The following PARD3 variants were observed in gnomAD, a reference collection of about 807,000 sequenced individuals.
PARD3 encodes the protein par-3 family cell polarity regulator, also known as partitioning defective 3 homolog.
Under a neutral mutation model 155.4 loss-of-function variants are expected in PARD3, and 75 were observed. The ratio of observed to expected loss-of-function variants is 0.48; its 90% CI spans 0.40 to 0.58. The LOEUF (loss-of-function observed/expected upper bound fraction) is 0.58. Among genes scored for constraint, PARD3 ranks in the 20% least tolerant of loss-of-function variants. PARD3 has a pLI of 0.00. For synonymous variants in PARD3, 576 were observed against 610.5 expected (o/e 0.94, Z 0.83); for missense variants, 1,642 against 1,721.7 (o/e 0.95, Z 0.82).
intron 2 of PARD3, among the ~76,000 whole-genome samples, chr10:34,523,241 G>C (rs1375974780): frequency 1.3e-5 from 2 of 152,094 alleles, no homozygotes; most frequent in Non-Finnish European, 2.9e-5. Flanking sequence ...AAATCTCAAA[G>C]ACCTCTAGGT....
rs1165591344 is a variant in PARD3, at chr10:34,605,948, CTA to C, written c.223-88791_223-88790del. On this transcript the variant is annotated intron_variant, in intron 2 of 24. Coordinates refer to ENST00000374788, the MANE Select transcript of PARD3 (RefSeq NM_001184785.2). ...TATATCTCCTATATATATATATCTCCTATATATATATATCTCCTATATCTATA... is the reference window on the plus strand; with the variant it reads ...TATATCTCCTATATATATATATCTCCTATATATATATCTCCTATATCTATA... 3.1e-3 allele frequency among the ~76,000 whole-genome samples: 259 copies of C among 83,866 alleles called. 27 individuals carry two copies. Among genetic ancestry groups the C allele is most frequent in the African/African-American group, 0.01 (169 of 16,444 alleles). The allele number at this position is 83,866 out of a possible 152,430, so 55.0% of individuals were successfully genotyped here.
chr10:34,745,751 T>TCACG (rs1465991596), intron 1 of PARD3, among the ~76,000 whole-genome samples: 2 of 151,918 alleles, frequency 1.3e-5, no homozygotes, highest in Non-Finnish European at 2.9e-5. Flanking sequence ...TGAGCCATGA[T>TCACG]CACGCCACTA....
At chr10:34,790,371 A>T (rs79660830) in intron 1 of PARD3, among the ~76,000 whole-genome samples, 2,230 of 152,304 alleles carry the variant, frequency 0.015, 67 homozygotes, top group African/African-American at 0.05. Flanking sequence ...AATATGCTAA[A>T]ATTATTTCAC....
chr10:34,690,482 T>C (rs1387099774), intron 2 of PARD3, among the ~76,000 whole-genome samples: 1 of 152,148 alleles, frequency 6.6e-6, no homozygotes, highest in East Asian at 1.9e-4. Context: ...GAAACAGTAA[T>C]TGGTACTGCA....
At chr10:34,591,532 T>C (rs887982032) in intron 2 of PARD3, among the ~76,000 whole-genome samples, 8 of 152,140 alleles carry the variant, frequency 5.3e-5, no homozygotes, top group Admixed American at 1.3e-4. Context: ...TAATATCATA[T>C]AGTAAAGTAA....
chr10:34,206,286 C>T (rs1951477984), intron 22 of PARD3, among the ~76,000 whole-genome samples: 1 of 152,182 alleles, frequency 6.6e-6, no homozygotes, highest in Non-Finnish European at 1.5e-5. Context: ...ACATCTTCAG[C>T]ATATTGGGGT....
chr10:34,659,755 T>C (rs1789702270), intron 2 of PARD3, among the ~76,000 whole-genome samples: 1 of 152,208 alleles, frequency 6.6e-6, no homozygotes, highest in Non-Finnish European at 1.5e-5. Context: ...TCATACCACC[T>C]GACTCAGTAA....
chr10:34,312,397 C>T (rs753264790), intron 20 of PARD3: 3 of 1,612,070 alleles, frequency 1.9e-6, no homozygotes, highest in African/African-American at 1.3e-5. Context: ...ATGAGAGACA[C>T]GGTACAGACA....
At chr10:34,313,725 T>C (rs10763978) in intron 20 of PARD3, among the ~76,000 whole-genome samples, 90,020 of 151,950 alleles carry the variant, frequency 0.59, 28,674 homozygotes, top group African/African-American at 0.84. Flanking sequence ...AGACAACCTG[T>C]TGGGGTAGGA....
intron 22 of PARD3, among the ~76,000 whole-genome samples, chr10:34,184,561 A>G (rs375003955): frequency 1.7e-3 from 255 of 152,306 alleles, no homozygotes; most frequent in African/African-American, 5.8e-3. Flanking sequence ...AATGGGGCAG[A>G]CTGCCCAGAG....
At chr10:34,804,035 G>GTTTTTTTTTTT (rs373473801) in intron 1 of PARD3, among the ~76,000 whole-genome samples, 1 of 136,896 alleles carries the variant, frequency 7.3e-6, no homozygotes. Flanking sequence ...ATTTGTTTTT[G>GTTTTTTTTTTT]TTTTTTTTTT....
At chr10:34,539,095 T>A (rs897241625) in intron 2 of PARD3, among the ~76,000 whole-genome samples, 3 of 152,226 alleles carry the variant, frequency 2.0e-5, no homozygotes, top group Non-Finnish European at 4.4e-5. Flanking sequence ...AAATTTTGAC[T>A]ACAGGGTCCT....
At chr10:34,491,564 AT>A (rs1013808561) in intron 3 of PARD3, among the ~76,000 whole-genome samples, 1 of 152,178 alleles carries the variant, frequency 6.6e-6, no homozygotes, top group African/African-American at 2.4e-5. Context: ...TTACAGAAGC[AT>A]TTTTTTATTA....
intron 1 of PARD3, among the ~76,000 whole-genome samples, chr10:34,728,311 T>C (rs528209859): frequency 4.5e-4 from 69 of 152,326 alleles, no homozygotes; most frequent in Middle Eastern, 3.4e-3. Context: ...GTACATTAAA[T>C]AGCAAATAAA....
intron 2 of PARD3, among the ~76,000 whole-genome samples, chr10:34,585,686 C>T (rs2087960936): frequency 6.6e-6 from 1 of 152,036 alleles, no homozygotes; most frequent in Admixed American, 6.6e-5. Flanking sequence ...ACTCTGTCTG[C>T]ACTGCTTATA....
intron 22 of PARD3, among the ~76,000 whole-genome samples, chr10:34,242,577 A>C (rs1177731805): frequency 5.3e-5 from 8 of 152,236 alleles, no homozygotes; most frequent in African/African-American, 1.9e-4. Flanking sequence ...TTCAACATAA[A>C]GTTTAATGAA....
rs149572154 is a variant in PARD3, at chr10:34,490,372, T to C, written c.404-20109A>G. ...TGAGAAGAAATGGGGAGTGGTACATTGAAGGAAGGGCACATTACAGAGAGA... is the reference window on the plus strand; with the variant it reads ...TGAGAAGAAATGGGGAGTGGTACATCGAAGGAAGGGCACATTACAGAGAGA... On this transcript the variant is annotated intron_variant, in intron 3 of 24. Coordinates refer to ENST00000374788, the MANE Select transcript of PARD3 (RefSeq NM_001184785.2). 2.8e-3 allele frequency among the ~76,000 whole-genome samples: 429 copies of C among 152,108 alleles called. 1 individual carries two copies. The highest frequency in any genetic ancestry group is 4.1e-3 in the Non-Finnish European group (279 of 67,992).
intron 2 of PARD3, among the ~76,000 whole-genome samples, chr10:34,645,870 G>A (rs1376851476): frequency 1.3e-5 from 2 of 152,100 alleles, no homozygotes; most frequent in African/African-American, 2.4e-5. Flanking sequence ...ATTCTTCCCC[G>A]TTTTATTTTT....
chr10:34,484,530 T>TTTG (rs373521620), intron 3 of PARD3, among the ~76,000 whole-genome samples: 8 of 152,080 alleles, frequency 5.3e-5, no homozygotes, highest in Non-Finnish European at 1.2e-4. Flanking sequence ...GTTGTTGTTG[T>TTTG]TTGTTGTTGT....
Sources: allele counts gnomAD v4.1 joint callset (sites outside exome capture counted in the v4.1 genomes callset), GRCh38; gene constraint gnomAD v4.1.1; transcripts MANE v1.5; gene names NCBI Gene and HGNC (gene_info 2026-07-23, HGNC 2026-07-21).